The following CEP63 variants were observed in gnomAD, a reference collection of about 807,000 sequenced individuals.
CEP63 encodes the protein centrosomal protein 63.
A neutral mutation model predicts 89.1 loss-of-function variants in CEP63; 84 were observed. That is an observed-to-expected ratio of 0.94 (90% CI 0.79 to 1.13). The LOEUF is 1.13. CEP63 is among the 50% of genes most tolerant of loss of function. CEP63 has a pLI of 0.00. For synonymous variants in CEP63, 267 were observed against 272.5 expected (o/e 0.98, Z 0.20); for missense variants, 838 against 813.3 (o/e 1.03, Z -0.37).
the CEP63 span, among the ~76,000 whole-genome samples, chr3:134,594,871 C>T: frequency 6.6e-6 from 1 of 152,192 alleles, no homozygotes; most frequent in Non-Finnish European, 1.5e-5. Flanking sequence ...GCTCCTTCTC[C>T]CTAGAGTTGA....
At chr3:134,733,378 AAT>A in the CEP63 span, among the ~76,000 whole-genome samples, 2 of 148,800 alleles carry the variant, frequency 1.3e-5, no homozygotes, top group South Asian at 2.1e-4. Context: ...AAAAAAAAAA[AAT>A]CCTCATGGCT....
At chr3:134,592,376 A>G (rs1958614278), downstream of CEP63, among the ~76,000 whole-genome samples, 1 of 152,190 alleles carries the variant, frequency 6.6e-6, no homozygotes, top group South Asian at 2.1e-4. Flanking sequence ...CTGCACATAA[A>G]AGGATGGGAA....
chr3:134,748,774 G>C, the CEP63 span, among the ~76,000 whole-genome samples: 1 of 152,190 alleles, frequency 6.6e-6, no homozygotes, highest in African/African-American at 2.4e-5. Flanking sequence ...GCAAACATGT[G>C]ACCCTGTCCT....
chr3:134,608,913 G>T, the CEP63 span: 5,480 of 1,507,900 alleles, frequency 3.6e-3, 49 homozygotes, highest in East Asian at 0.019. Context: ...CCACCGGAGT[G>T]GTCCTATGGA....
At chr3:134,520,848 T>C (rs1947286284) in intron 3 of CEP63, among the ~76,000 whole-genome samples, 1 of 152,124 alleles carries the variant, frequency 6.6e-6, no homozygotes, top group Non-Finnish European at 1.5e-5. Context: ...GATTTTGACT[T>C]CTAGTTTTAT....
At chr3:134,775,384 G>T in the CEP63 span, among the ~76,000 whole-genome samples, 1 of 152,182 alleles carries the variant, frequency 6.6e-6, no homozygotes, top group Non-Finnish European at 1.5e-5. Context: ...GTCCCCTTCA[G>T]GTAAGGGGGC....
At chr3:134,609,317 T>C in the CEP63 span, among the ~76,000 whole-genome samples, 1 of 152,016 alleles carries the variant, frequency 6.6e-6, no homozygotes, top group African/African-American at 2.4e-5. Flanking sequence ...ATGTCAGTAA[T>C]GGGGATCAAG....
the CEP63 span, among the ~76,000 whole-genome samples, chr3:134,775,528 G>T: frequency 1.3e-5 from 2 of 152,178 alleles, no homozygotes; most frequent in African/African-American, 4.8e-5. Flanking sequence ...GGTCAACTGT[G>T]AAGTGTTGGC....
At chr3:134,731,818 GA>G in the CEP63 span, among the ~76,000 whole-genome samples, 1 of 152,096 alleles carries the variant, frequency 6.6e-6, no homozygotes, top group Non-Finnish European at 1.5e-5. Context: ...TATGAAAAGG[GA>G]AAAAGGGAGA....
At position 134,558,230 on chromosome 3, in the gene CEP63, A is replaced by T. The variant is rs766756223; in HGVS notation, c.1556A>T (p.Asp519Val). Residue 519 changes from aspartate (D) to valine (V), a missense_variant, in exon 13 of 15, where the codon GAT becomes GTT. Asp to Val is a radical substitution (Grantham distance 152). Coordinates refer to ENST00000675561, the MANE Select transcript of CEP63 (RefSeq NM_001353108.3). ...TCTGAAAATCAACAACTACAGAAAGATTTGATGAATACCAAATCTCAGCTG... is the reference window on the plus strand; with the variant it reads ...TCTGAAAATCAACAACTACAGAAAGTTTTGATGAATACCAAATCTCAGCTG... ...LVSENQQLQK[D>V]LMNTKSQLEI... 4 of 1,613,610 alleles carry T rather than the reference A, an allele frequency of 2.5e-6. No individual in the cohort carries two copies. The African/African-American group carries it at 5.3e-5, about 22-fold the overall frequency.
At chr3:134,592,469 GGT>G (rs34973626), downstream of CEP63, among the ~76,000 whole-genome samples, 18,435 of 124,912 alleles carry the variant, frequency 0.15, 1,321 homozygotes, top group Non-Finnish European at 0.18. Context: ...TCTGCAAACT[GGT>G]GTGTGTGTGT....
chr3:134,608,844 A>G, the CEP63 span: 4 of 1,602,790 alleles, frequency 2.5e-6, no homozygotes, highest in East Asian at 2.2e-5. Context: ...TTGTAGCTGG[A>G]GCAGAGACAA....
At chr3:134,768,288 C>T in the CEP63 span, among the ~76,000 whole-genome samples, 1 of 152,174 alleles carries the variant, frequency 6.6e-6, no homozygotes, top group African/African-American at 2.4e-5. Context: ...GTATCTGTAA[C>T]ATGTGACTCC....
chr3:134,655,905 G>A, the CEP63 span, among the ~76,000 whole-genome samples: 1 of 152,336 alleles, frequency 6.6e-6, no homozygotes, highest in East Asian at 1.9e-4. Flanking sequence ...ACTGGTGGCA[G>A]TGGCAGTAGT....
the CEP63 span, among the ~76,000 whole-genome samples, chr3:134,640,275 A>G: frequency 1.3e-5 from 2 of 152,130 alleles, no homozygotes; most frequent in Non-Finnish European, 2.9e-5. Context: ...CCTGTCCTGT[A>G]TGGAAGAGAC....
chr3:134,551,233 C>T (rs1425143684), intron 11 of CEP63, among the ~76,000 whole-genome samples: 1 of 152,134 alleles, frequency 6.6e-6, no homozygotes, highest in Non-Finnish European at 1.5e-5. Flanking sequence ...CAGGATTAGG[C>T]ATTTAGCTGT....
At chr3:134,547,572 A>T in intron 9 of CEP63, 100 bp downstream of exon 9, 1 of 967,332 alleles carries the variant, frequency 1.0e-6, no homozygotes, top group Non-Finnish European at 1.5e-6. Flanking sequence ...AAAAAAAATA[A>T]GATTTTTTTC....
At chr3:134,696,752 G>A in the CEP63 span, among the ~76,000 whole-genome samples, 1 of 152,094 alleles carries the variant, frequency 6.6e-6, no homozygotes, top group African/African-American at 2.4e-5. Flanking sequence ...ATTCAAACAT[G>A]TATATTGCTT....
At chr3:134,634,292 C>T in the CEP63 span, among the ~76,000 whole-genome samples, 1 of 151,564 alleles carries the variant, frequency 6.6e-6, no homozygotes, top group Non-Finnish European at 1.5e-5. Context: ...ACTGGAATAA[C>T]TAAACTAATT....
Sources: allele counts gnomAD v4.1 joint callset (sites outside exome capture counted in the v4.1 genomes callset), GRCh38; gene constraint gnomAD v4.1.1; transcripts MANE v1.5; gene names NCBI Gene and HGNC (gene_info 2026-07-23, HGNC 2026-07-21).